XKR4: variants seen among roughly 807,000 people sequenced by gnomAD.
XKR4 encodes XK-related protein 4.
In XKR4, 12 loss-of-function variants were observed where a neutral mutation model predicts 53.9. That is an observed-to-expected ratio of 0.22 (90% CI 0.14 to 0.36). The LOEUF (loss-of-function observed/expected upper bound fraction) is 0.36. Among genes scored for constraint, XKR4 ranks in the 10% least tolerant of loss-of-function variants. XKR4 has a pLI of 1.00. For synonymous variants in XKR4, 354 were observed against 362.4 expected (o/e 0.98, Z 0.26); for missense variants, 799 against 859.5 (o/e 0.93, Z 0.88).
chr8:55,187,805 A>G lies in XKR4; in HGVS notation c.806+84511A>G, dbSNP rs1017439656. 1.3e-4 allele frequency among the ~76,000 whole-genome samples: 20 copies of G among 152,208 alleles called. 1 individual carries two copies. The highest frequency in any genetic ancestry group is 1.3e-3 in the Admixed American group (20 of 15,286). On this transcript the variant is annotated intron_variant, in intron 1 of 2. Coordinates refer to ENST00000327381, the MANE Select transcript of XKR4 (RefSeq NM_052898.2). ...AAGACAAGATCACCAATCGCTGAAA[A>G]CATATGATAGATCAAAAGTTGCAAG...
intron 2 of XKR4, among the ~76,000 whole-genome samples, chr8:55,455,814 A>G (rs1036417811): frequency 1.3e-5 from 2 of 152,214 alleles, no homozygotes; most frequent in Non-Finnish European, 2.9e-5. Context: ...CCTGACCCAC[A>G]CAAAGATCAG....
At chr8:55,235,204 A>T (rs1818102398) in intron 1 of XKR4, among the ~76,000 whole-genome samples, 1 of 152,032 alleles carries the variant, frequency 6.6e-6, no homozygotes. Context: ...TCTCCTCTGT[A>T]CCTGTGTTCT....
rs1262226082 is a variant in XKR4, at chr8:55,535,079, T to C, written c.*10852T>C. 4 of 152,168 alleles carry C rather than the reference T, an allele frequency of 2.6e-5. No homozygotes were observed. Among genetic ancestry groups the C allele is most frequent in the African/African-American group, 9.7e-5 (4 of 41,434 alleles). 9.4% of individuals were successfully genotyped at this position (152,168 alleles called of 1,614,324 possible). A position where few individuals can be genotyped will look rare whatever the true frequency, so the allele number is the denominator to read the frequency against. ...TGGTAGTTATCACCAAGATGTATAATAGCAAGCACTACTGAATGATCTTCC... is the reference window on the plus strand; with the variant it reads ...TGGTAGTTATCACCAAGATGTATAACAGCAAGCACTACTGAATGATCTTCC... On this transcript the variant is annotated 3_prime_UTR_variant, in exon 3 of 3. Coordinates refer to ENST00000327381, the MANE Select transcript of XKR4 (RefSeq NM_052898.2).
chr8:55,216,954 T>G (rs568126361), intron 1 of XKR4, among the ~76,000 whole-genome samples: 1 of 152,192 alleles, frequency 6.6e-6, no homozygotes, highest in South Asian at 2.1e-4. Context: ...AAGACATGGA[T>G]AGTCCTTGCC....
rs949094879 is a variant in XKR4 at position 55,525,100 on chromosome 8, T to C, written c.*873T>C. 6.6e-6 allele frequency: 1 copy of C among 152,568 alleles called. No homozygotes were observed. The highest frequency in any genetic ancestry group is 1.9e-4 in the East Asian group (1 of 5,204). 9.5% of individuals were successfully genotyped at this position (152,568 alleles called of 1,614,324 possible). On this transcript the variant is annotated 3_prime_UTR_variant, in exon 3 of 3. Coordinates refer to ENST00000327381, the MANE Select transcript of XKR4 (RefSeq NM_052898.2). The stretch of plus-strand genomic sequence containing the variant: ...AAAATGAGAGTCTGATTCCCAGGCA[T>C]GTGCAGCGCCCATTGGGACATAACG...
intron 1 of XKR4, among the ~76,000 whole-genome samples, chr8:55,237,758 G>A (rs186400446): frequency 1.3e-5 from 2 of 152,272 alleles, no homozygotes; most frequent in East Asian, 3.9e-4. Flanking sequence ...TTATCCTGAT[G>A]TAGTATGTGA....
intron 2 of XKR4, among the ~76,000 whole-genome samples, chr8:55,463,031 C>T (rs1034056893): frequency 5.9e-5 from 9 of 152,188 alleles, no homozygotes; most frequent in African/African-American, 2.2e-4. Context: ...TAATGCGAGA[C>T]TTTAACACCC....
intron 1 of XKR4, among the ~76,000 whole-genome samples, chr8:55,128,335 C>T (rs1816502379): frequency 6.6e-6 from 1 of 152,188 alleles, no homozygotes; most frequent in African/African-American, 2.4e-5. Context: ...AACTCTTAAG[C>T]AGGGCCAGTG....
intron 1 of XKR4, among the ~76,000 whole-genome samples, chr8:55,343,966 G>A (rs1803595817): frequency 6.6e-6 from 1 of 152,190 alleles, no homozygotes; most frequent in Non-Finnish European, 1.5e-5. Context: ...ATGAGATGGG[G>A]TGTGGCAGGT....
At chr8:55,272,606 A>G (rs1818707513) in intron 1 of XKR4, among the ~76,000 whole-genome samples, 1 of 152,038 alleles carries the variant, frequency 6.6e-6, no homozygotes, top group South Asian at 2.1e-4. Flanking sequence ...TGCCTTGGAG[A>G]TCTCTGACTG....
intron 1 of XKR4, among the ~76,000 whole-genome samples, chr8:55,194,773 C>A (rs1210916303): frequency 2.6e-5 from 4 of 152,084 alleles, no homozygotes; most frequent in Non-Finnish European, 5.9e-5. Flanking sequence ...AGGTGTCAAA[C>A]AAAGGAATGA....
intron 2 of XKR4, chr8:55,517,765 C>A (rs1379529789): frequency 6.7e-6 from 1 of 149,760 alleles, no homozygotes; most frequent in East Asian, 2.0e-4. Context: ...GAGTCCCAGC[C>A]ATCAGCACAG....
At chr8:55,172,567 A>C (rs1462555235) in intron 1 of XKR4, among the ~76,000 whole-genome samples, 2 of 152,228 alleles carry the variant, frequency 1.3e-5, no homozygotes, top group Admixed American at 1.3e-4. Context: ...ACAAAGACAG[A>C]GTGAAAAGCA....
At chr8:55,242,296 CA>C (rs1818220936) in intron 1 of XKR4, among the ~76,000 whole-genome samples, 1 of 152,140 alleles carries the variant, frequency 6.6e-6, no homozygotes, top group South Asian at 2.1e-4. Context: ...TCTCTCCTGA[CA>C]GTGTAATTTA....
In XKR4 at chr8:55,524,714, A is replaced by C. The variant is rs1806857510; in HGVS notation, c.*487A>C. Reference sequence around the variant, plus strand: ...TCCCACAGGAATATAAAAACAAAGAAAGAGGGAAACATCCCTCGAGAAAAA... The same window carrying C: ...TCCCACAGGAATATAAAAACAAAGACAGAGGGAAACATCCCTCGAGAAAAA... On this transcript the variant is annotated 3_prime_UTR_variant, in exon 3 of 3. Transcript: ENST00000327381. 1 of 153,394 alleles carries C rather than the reference A, an allele frequency of 6.5e-6. No individual in the cohort carries two copies. The highest frequency in any genetic ancestry group is 2.4e-5 in the African/African-American group (1 of 41,478). 9.5% of individuals were successfully genotyped at this position (153,394 alleles called of 1,614,324 possible).
chr8:55,503,756 A>G (rs1344011010), intron 2 of XKR4, among the ~76,000 whole-genome samples: 2 of 152,192 alleles, frequency 1.3e-5, no homozygotes, highest in African/African-American at 4.8e-5. Flanking sequence ...AAGTTGCAAA[A>G]GTGGGCATCC....
intron 2 of XKR4, chr8:55,451,002 A>C: frequency 1.8e-6 from 1 of 544,450 alleles, no homozygotes; most frequent in Non-Finnish European, 3.5e-6. Context: ...TGCCTTCAGC[A>C]GCTTTTTGAA....
chr8:55,173,259 C>T (rs186751573), intron 1 of XKR4, among the ~76,000 whole-genome samples: 130 of 152,040 alleles, frequency 8.6e-4, no homozygotes, highest in African/African-American at 3.0e-3. Context: ...CACTAAAGTC[C>T]GCTCCCAGCA....
chr8:55,338,732 A>G (rs959739978), intron 1 of XKR4, among the ~76,000 whole-genome samples: 10 of 152,232 alleles, frequency 6.6e-5, no homozygotes, highest in African/African-American at 2.4e-4. Flanking sequence ...CCGAGAGGAC[A>G]CAATCATCAG....
Sources: gnomAD v4.1 joint callset for allele counts (sites outside exome capture counted in the v4.1 genomes callset) on GRCh38, gnomAD v4.1.1 for gene constraint, MANE v1.5 for transcripts, NCBI Gene and HGNC (gene_info 2026-07-23, HGNC 2026-07-21) for gene names.